PRRX2: variants seen among roughly 807,000 people sequenced by gnomAD.
The protein encoded by PRRX2 is paired mesoderm homeobox protein 2.
PRRX2 carries 11 observed loss-of-function variants against 18.0 expected under a neutral mutation model. The ratio of observed to expected loss-of-function variants is 0.61; its 90% CI spans 0.39 to 1.01. The LOEUF (loss-of-function observed/expected upper bound fraction) is 1.01, where lower values mean the gene tolerates loss of function less well. PRRX2 is among the 50% of genes least tolerant of loss of function. PRRX2 has a pLI of 0.01. For synonymous variants in PRRX2, 177 were observed against 154.8 expected (o/e 1.14, Z -1.06); for missense variants, 387 against 351.0 (o/e 1.10, Z -0.82).
intron 1 of PRRX2, among the ~76,000 whole-genome samples, chr9:129,696,496 G>A (rs963300873): frequency 6.6e-6 from 1 of 152,132 alleles, no homozygotes; most frequent in Admixed American, 6.5e-5. Context: ...GATCGCTTAA[G>A]CCTGAGAGTT....
chr9:129,712,981 C>G (rs1564154820), intron 1 of PRRX2: 1 of 152,292 alleles, frequency 6.6e-6, no homozygotes, highest in African/African-American at 2.4e-5. Flanking sequence ...ACACGCCCAC[C>G]ACAATGCATT....
chr9:129,668,778 C>CAAAAAAAAAAAAAAAAAAAAAAA (rs562855941), intron 1 of PRRX2, among the ~76,000 whole-genome samples: 1 of 58,654 alleles, frequency 1.7e-5, no homozygotes, highest in Non-Finnish European at 3.5e-5. Context: ...GACTCCATCT[C>CAAAAAAAAAAAAAAAAAAAAAAA]AAAAAAAAAA....
intron 1 of PRRX2, among the ~76,000 whole-genome samples, chr9:129,688,122 G>T (rs71499479): frequency 0.019 from 2,923 of 152,114 alleles, 43 homozygotes; most frequent in Middle Eastern, 0.065. Context: ...GAGTGCAGTG[G>T]TGCTATCTTG....
At chr9:129,704,483 AG>A (rs1186945813) in intron 1 of PRRX2, among the ~76,000 whole-genome samples, 5 of 152,098 alleles carry the variant, frequency 3.3e-5, no homozygotes, top group Non-Finnish European at 7.4e-5. Context: ...GGCTGCTGGT[AG>A]CCCCCCTAAC....
Position 129,719,359 on chromosome 9 carries a change from G to A in PRRX2, c.388G>A (p.Asp130Asn), listed in dbSNP as rs1311277638. The change falls in exon 2 of 4, where the codon GAC (aspartate) becomes AAC (asparagine). Residue 130 changes from aspartate to asparagine, a missense_variant. By Grantham distance (23) the Asp-to-Asn change is conservative. Coordinates refer to ENST00000372469, the MANE Select transcript of PRRX2 (RefSeq NM_016307.4). The part of the protein sequence containing the change: ...ERVFERTHYP[D>N]AFVREELARR... ...CGTGTTCGAGCGCACGCACTACCCCGACGCCTTTGTGCGCGAGGAGCTTGC... is the reference window on the plus strand; with the variant it reads ...CGTGTTCGAGCGCACGCACTACCCCAACGCCTTTGTGCGCGAGGAGCTTGC... 1.9e-6 allele frequency: 3 copies of A among 1,578,842 alleles called. No homozygotes were observed. Among genetic ancestry groups the A allele is most frequent in the South Asian group, 1.2e-5 (1 of 86,956 alleles).
At chr9:129,714,731 C>G (rs1028410045) in intron 1 of PRRX2, among the ~76,000 whole-genome samples, 1 of 152,212 alleles carries the variant, frequency 6.6e-6, no homozygotes, top group Non-Finnish European at 1.5e-5. Context: ...GCTTACTCGG[C>G]AAGGCGAAGG....
intron 1 of PRRX2, among the ~76,000 whole-genome samples, chr9:129,698,958 CA>C (rs1832462833): frequency 6.6e-6 from 1 of 152,206 alleles, no homozygotes; most frequent in South Asian, 2.1e-4. Context: ...GCTGGAGGGC[CA>C]TCAGGATAGC....
At chr9:129,684,696 G>GA (rs1176247645) in intron 1 of PRRX2, among the ~76,000 whole-genome samples, 2 of 152,150 alleles carry the variant, frequency 1.3e-5, no homozygotes, top group Non-Finnish European at 2.9e-5. Flanking sequence ...CTGGGACGGG[G>GA]AATGTAGGGA....
At chr9:129,720,847 T>C in intron 3 of PRRX2, 73 bp downstream of exon 3, 1 of 1,407,106 alleles carries the variant, frequency 7.1e-7, no homozygotes, top group East Asian at 2.6e-5. Flanking sequence ...CGGCCTGGAC[T>C]CCTCTGAGGG....
intron 1 of PRRX2, among the ~76,000 whole-genome samples, chr9:129,682,848 T>C (rs942018962): frequency 6.6e-6 from 1 of 152,164 alleles, no homozygotes; most frequent in Non-Finnish European, 1.5e-5. Context: ...CTCATGCCTG[T>C]AATCCCAGCA....
intron 1 of PRRX2, among the ~76,000 whole-genome samples, chr9:129,667,839 A>T (rs1260147174): frequency 1.3e-5 from 2 of 152,160 alleles, no homozygotes; most frequent in African/African-American, 4.8e-5. Context: ...GCCTCCAGGC[A>T]GCTGGGTGTG....
chr9:129,686,415 C>T (rs959308782), intron 1 of PRRX2, among the ~76,000 whole-genome samples: 3 of 152,212 alleles, frequency 2.0e-5, no homozygotes, highest in African/African-American at 7.2e-5. Context: ...GGTGCGATCA[C>T]AGCTCACTGC....
chr9:129,700,992 C>T (rs1002578171), intron 1 of PRRX2, among the ~76,000 whole-genome samples: 5 of 152,274 alleles, frequency 3.3e-5, no homozygotes, highest in South Asian at 2.1e-4. Flanking sequence ...GAGAGGAGAG[C>T]GCTGTTGGAA....
rs1832017842 is a variant in PRRX2 at position 129,666,144 on chromosome 9, G to C, written c.259+18G>C. On this transcript the variant is annotated intron_variant, in intron 1 of 3. Transcript: ENST00000372469. The stretch of plus-strand genomic sequence containing the variant: ...GCAGGATGGTGAGTACGGCCGGCCA[G>C]GGACGGGGGTGGCGGGGCCGGGGCC... 4.0e-6 allele frequency: 4 copies of C among 1,011,626 alleles called. No homozygotes were observed. The highest frequency in any genetic ancestry group is 4.7e-6 in the Non-Finnish European group (4 of 849,030). 62.7% of individuals were successfully genotyped at this position (1,011,626 alleles called of 1,614,324 possible).
intron 1 of PRRX2, among the ~76,000 whole-genome samples, chr9:129,694,554 C>G (rs1001444503): frequency 2.6e-5 from 4 of 152,188 alleles, no homozygotes; most frequent in African/African-American, 9.7e-5. Context: ...AAGGGAGATT[C>G]ATGCGTGCTC....
chr9:129,691,010 G>C (rs988274698), intron 1 of PRRX2, among the ~76,000 whole-genome samples: 4 of 151,936 alleles, frequency 2.6e-5, no homozygotes, highest in Non-Finnish European at 4.4e-5. Flanking sequence ...TTTGGAAGCT[G>C]GTTGTCAAAC....
chr9:129,674,749 CGCCT>C, intron 1 of PRRX2, among the ~76,000 whole-genome samples: 4 of 152,178 alleles, frequency 2.6e-5, no homozygotes, highest in Non-Finnish European at 5.9e-5. Flanking sequence ...GTTCCTGCCT[CGCCT>C]TGCCCAGCTC....
At chr9:129,704,914 C>T (rs941255965) in intron 1 of PRRX2, among the ~76,000 whole-genome samples, 2 of 152,168 alleles carry the variant, frequency 1.3e-5, no homozygotes, top group African/African-American at 4.8e-5. Flanking sequence ...GAAAAACCCA[C>T]CTTGGGCCCT....
At chr9:129,689,012 T>G (rs1437465998) in intron 1 of PRRX2, among the ~76,000 whole-genome samples, 2 of 152,168 alleles carry the variant, frequency 1.3e-5, no homozygotes, top group Non-Finnish European at 2.9e-5. Context: ...AGAGGTGAAG[T>G]GTGCACGAGG....
Sources: allele counts gnomAD v4.1 joint callset (sites outside exome capture counted in the v4.1 genomes callset), GRCh38; gene constraint gnomAD v4.1.1; transcripts MANE v1.5; gene names NCBI Gene and HGNC (gene_info 2026-07-23, HGNC 2026-07-21).